The following SLC22A23 variants were observed in gnomAD, a reference collection of about 807,000 sequenced individuals.
The protein encoded by SLC22A23 is ion transporter protein.
In SLC22A23, 26 loss-of-function variants were observed where a neutral mutation model predicts 61.0. The observed-to-expected ratio is 0.43, with a 90% CI of 0.31 to 0.59. SLC22A23 has a LOEUF of 0.59. SLC22A23 is among the 20% of genes least tolerant of loss of function. SLC22A23 has a pLI of 0.11. For synonymous variants in SLC22A23, 430 were observed against 413.9 expected (o/e 1.04, Z -0.47); for missense variants, 796 against 934.7 (o/e 0.85, Z 1.94).
intron 3 of SLC22A23, among the ~76,000 whole-genome samples, chr6:3,378,657 CTTTT>C (rs574704294): frequency 8.4e-6 from 1 of 119,058 alleles, no homozygotes. Context: ...TTTCTTTTTT[CTTTT>C]TTTTTTTTTT....
At chr6:3,275,803 T>C (rs1477706288) in intron 9 of SLC22A23, among the ~76,000 whole-genome samples, 3 of 152,232 alleles carry the variant, frequency 2.0e-5, no homozygotes, top group Non-Finnish European at 2.9e-5. Flanking sequence ...AGGGTGGTCT[T>C]GATCTCCTAA....
chr6:3,365,368 GACATGACCTCTGTTCTTTGTTTAA>G (rs1169688870), intron 3 of SLC22A23, among the ~76,000 whole-genome samples: 3 of 152,146 alleles, frequency 2.0e-5, no homozygotes, highest in African/African-American at 7.2e-5. Context: ...GCTCCAGACG[GACATGACCTCTGTTCTTTGTTTAA>G]TTTGGGGAAA....
At chr6:3,300,948 G>T (rs1375661156) in intron 4 of SLC22A23, among the ~76,000 whole-genome samples, 1 of 151,912 alleles carries the variant, frequency 6.6e-6, no homozygotes, top group Admixed American at 6.6e-5. Flanking sequence ...AAGGTCTCTG[G>T]TCATCTCACA....
At chr6:3,366,678 C>T (rs1404134453) in intron 3 of SLC22A23, among the ~76,000 whole-genome samples, 1 of 152,148 alleles carries the variant, frequency 6.6e-6, no homozygotes, top group Non-Finnish European at 1.5e-5. Context: ...GTTCACAAAA[C>T]TTCACAGACC....
At chr6:3,455,373 C>T (rs1399141964) in intron 1 of SLC22A23, among the ~76,000 whole-genome samples, 4 of 152,242 alleles carry the variant, frequency 2.6e-5, no homozygotes, top group South Asian at 2.1e-4. Flanking sequence ...ACTGGGGTAG[C>T]AAAGCCTAAA....
intron 3 of SLC22A23, among the ~76,000 whole-genome samples, chr6:3,373,291 T>G (rs1351034447): frequency 6.6e-6 from 1 of 152,244 alleles, no homozygotes; most frequent in Non-Finnish European, 1.5e-5. Context: ...CCTGTGTGAC[T>G]CCGCTGGGAG....
intron 3 of SLC22A23, among the ~76,000 whole-genome samples, chr6:3,347,314 C>A (rs1764498775): frequency 6.6e-6 from 1 of 152,230 alleles, no homozygotes; most frequent in Admixed American, 6.5e-5. Context: ...CCATGTCCTT[C>A]TCTCACACTT....
rs1420986150 is a variant in SLC22A23 at position 3,271,902 on chromosome 6, C to T, written c.*1153G>A. On this transcript the variant is annotated 3_prime_UTR_variant, in exon 10 of 10. Transcript: ENST00000406686. ...AGAGGCTGGAGGTCATTTGGACTCACCTATGAGGAATCTCCGCTCCCTGCC... is the reference window on the plus strand; with the variant it reads ...AGAGGCTGGAGGTCATTTGGACTCATCTATGAGGAATCTCCGCTCCCTGCC... 6.6e-6 allele frequency: 1 copy of T among 152,398 alleles called. No homozygotes were observed. Among genetic ancestry groups the T allele is most frequent in the Admixed American group, 6.5e-5 (1 of 15,280 alleles). 9.4% of individuals were successfully genotyped at this position (152,398 alleles called of 1,614,324 possible). A position where few individuals can be genotyped will look rare whatever the true frequency, so the allele number is the denominator to read the frequency against.
intron 1 of SLC22A23, among the ~76,000 whole-genome samples, chr6:3,421,129 A>G (rs987799213): frequency 3.3e-5 from 5 of 152,160 alleles, no homozygotes; most frequent in African/African-American, 4.8e-5. Flanking sequence ...AAGGAAAAAA[A>G]AAGACAATAT....
At chr6:3,349,541 C>T (rs550321252) in intron 3 of SLC22A23, among the ~76,000 whole-genome samples, 90 of 152,332 alleles carry the variant, frequency 5.9e-4, no homozygotes, top group African/African-American at 1.9e-3. Context: ...TTCCTTCCTC[C>T]TCCACCTCCT....
rs1285030135 is a variant in SLC22A23 at position 3,427,407 on chromosome 6, C to T, written c.655-11552G>A. 6.6e-6 allele frequency among the ~76,000 whole-genome samples: 1 copy of T among 151,678 alleles called. No individual in the cohort carries two copies. The highest frequency in any genetic ancestry group is 2.4e-5 in the African/African-American group (1 of 40,998). ...TTAGAGTCTGAGCTATTCATTTTAG[C>T]CTCACCCCTAACTGACCCAAATTAA... is the stretch of plus-strand genomic sequence containing the variant. On this transcript the variant is annotated intron_variant, in intron 1 of 9. Transcript: ENST00000406686. This position sits in a 1 kb window ranked among gnomAD's most constrained non-coding sequence, Gnocchi z 4.3.
chr6:3,416,094 C>G (rs749834201), intron 1 of SLC22A23, among the ~76,000 whole-genome samples: 1 of 152,202 alleles, frequency 6.6e-6, no homozygotes, highest in South Asian at 2.1e-4. Flanking sequence ...CAAAGAATGA[C>G]GCAGGAAGTC....
chr6:3,354,757 T>A (rs1457124888), intron 3 of SLC22A23, among the ~76,000 whole-genome samples: 1 of 152,222 alleles, frequency 6.6e-6, no homozygotes, highest in Non-Finnish European at 1.5e-5. Flanking sequence ...ATAGTGAATG[T>A]CTAACAAATG....
rs1441720234 is a variant in SLC22A23, at chr6:3,329,027, C to G, written c.914-5025G>C. Among the ~76,000 whole-genome samples the G allele has an allele frequency of 6.6e-6, 1 of 152,104 alleles. No individual in the cohort carries two copies. The highest frequency in any genetic ancestry group is 1.5e-5 in the Non-Finnish European group (1 of 68,026). ...ACCGTCTGTCAAAACACTGCAGCAC[C>G]CAGGGAGGAGCCCCAGGGAGCACGC... On this transcript the variant is annotated intron_variant, in intron 3 of 9. Coordinates refer to ENST00000406686, the MANE Select transcript of SLC22A23 (RefSeq NM_015482.2). The surrounding 1 kb of genome is among the most constrained non-coding windows in gnomAD (Gnocchi z 4.8).
chr6:3,328,118 C>T lies in SLC22A23; in HGVS notation c.914-4116G>A, dbSNP rs545877627. Among the ~76,000 whole-genome samples the T allele has an allele frequency of 1.7e-4, 26 of 151,726 alleles. No individual in the cohort carries two copies. The highest frequency in any genetic ancestry group is 6.3e-4 in the African/African-American group (26 of 41,364). On this transcript the variant is annotated intron_variant, in intron 3 of 9. Transcript: ENST00000406686. The surrounding 1 kb of genome is among the most constrained non-coding windows in gnomAD (Gnocchi z 5.0). ...CAAACAAACAACCGTTACTTTTCCC[C>T]TAACACCTTAATGAAGAATGCTTAC...
At chr6:3,423,339 A>C (rs1770274134) in intron 1 of SLC22A23, among the ~76,000 whole-genome samples, 1 of 152,200 alleles carries the variant, frequency 6.6e-6, no homozygotes, top group Non-Finnish European at 1.5e-5. Context: ...AGGGAGGTAC[A>C]TCTTTCTCAG....
At chr6:3,370,893 T>G (rs1460902933) in intron 3 of SLC22A23, among the ~76,000 whole-genome samples, 1 of 152,218 alleles carries the variant, frequency 6.6e-6, no homozygotes, top group African/African-American at 2.4e-5. Flanking sequence ...ACTCAGCTGC[T>G]CCCAGCAACG....
intron 1 of SLC22A23, among the ~76,000 whole-genome samples, chr6:3,441,788 G>A (rs1217605567): frequency 7.2e-5 from 11 of 152,114 alleles, no homozygotes; most frequent in Admixed American, 5.9e-4. Context: ...AACCGTCTCC[G>A]GCTACATGAG....
rs115463401 is a variant in SLC22A23, at chr6:3,294,653, C to T, written c.1210+3438G>A. Among the ~76,000 whole-genome samples the T allele has an allele frequency of 3.1e-3, 479 of 152,268 alleles. 2 individuals are homozygous for T. Among genetic ancestry groups the T allele is most frequent in the African/African-American group, 0.011 (438 of 41,544 alleles). ...GCGGGCCTTCTACTCCTGCTTTAAA[C>T]GCTCAAAACCTCAGGAACTAATGAC... On this transcript the variant is annotated intron_variant, in intron 5 of 9. Transcript: ENST00000406686.
Sources: gnomAD v4.1 joint callset for allele counts (sites outside exome capture counted in the v4.1 genomes callset) on GRCh38, gnomAD v4.1.1 for gene constraint, Gnocchi (gnomAD v3.1) non-coding constraint, MANE v1.5 for transcripts, NCBI Gene and HGNC (gene_info 2026-07-23, HGNC 2026-07-21) for gene names.